ACER2: variants seen among roughly 807,000 people sequenced by gnomAD.
ACER2 encodes alkaline ceramidase 2, also known as alkCDase 2.
A neutral mutation model predicts 34.7 loss-of-function variants in ACER2; 26 were observed. The ratio of observed to expected loss-of-function variants is 0.75; its 90% confidence interval spans 0.55 to 1.04. The LOEUF is 1.04. Among genes scored for constraint, ACER2 ranks in the 50% least tolerant of loss-of-function variants. The pLI, the probability that ACER2 is intolerant of heterozygous loss-of-function variation, is 0.00. For synonymous variants in ACER2, 138 were observed against 132.1 expected, an observed-to-expected ratio of 1.04 and a Z score of -0.31; for missense variants, 352 against 340.8, an observed-to-expected ratio of 1.03 and a Z score of -0.26.
intron 1 of ACER2, among the ~76,000 whole-genome samples, chr9:19,410,778 C>G (rs751117845): frequency 6.6e-6 from 1 of 152,182 alleles, no homozygotes; most frequent in Non-Finnish European, 1.5e-5. Flanking sequence ...ATTGCATAAC[C>G]TCCCAGAGCA....
intron 3 of ACER2, 75 bp downstream of exon 3, chr9:19,424,916 AAT>A: frequency 1.3e-6 from 2 of 1,563,406 alleles, no homozygotes; most frequent in Non-Finnish European, 1.7e-6. Context: ...TATGAAGAAA[AAT>A]AGCACATGAT....
At chr9:19,436,859 G>A (rs763862054) in intron 4 of ACER2, among the ~76,000 whole-genome samples, 1 of 152,070 alleles carries the variant, frequency 6.6e-6, no homozygotes, top group Non-Finnish European at 1.5e-5. Context: ...TGTGCTAATG[G>A]CCTTCTACTT....
chr9:19,443,282 T>G (rs1437069120), intron 4 of ACER2, among the ~76,000 whole-genome samples: 1 of 152,156 alleles, frequency 6.6e-6, no homozygotes, highest in African/African-American at 2.4e-5. Context: ...TCCACCTGCT[T>G]CAGCCTCCCA....
At chr9:19,424,318 A>T (rs1223626797) in intron 2 of ACER2, 1 of 947,254 alleles carries the variant, frequency 1.1e-6, no homozygotes, top group East Asian at 1.2e-4. Flanking sequence ...TAGATGTTTG[A>T]TCCCTCATTG....
intron 4 of ACER2, among the ~76,000 whole-genome samples, chr9:19,441,570 G>A (rs1367816771): frequency 2.6e-5 from 4 of 151,984 alleles, no homozygotes; most frequent in Non-Finnish European, 5.9e-5. Context: ...CCTCTTGCTT[G>A]GCTAACTTAT....
chr9:19,425,091 G>C (rs1037101134), intron 3 of ACER2, among the ~76,000 whole-genome samples: 12 of 152,194 alleles, frequency 7.9e-5, no homozygotes, highest in Non-Finnish European at 1.6e-4. Context: ...TCTGTACCCA[G>C]TGGTTTAAGA....
At chr9:19,409,702 T>G (rs1830029382) in intron 1 of ACER2, 12 of 978,364 alleles carry the variant, frequency 1.2e-5, no homozygotes, top group Non-Finnish European at 1.2e-5. Context: ...CCCAAGAACA[T>G]GCCTATAATG....
At chr9:19,422,756 C>T (rs373035805) in intron 1 of ACER2, among the ~76,000 whole-genome samples, 20 of 151,246 alleles carry the variant, frequency 1.3e-4, no homozygotes, top group Admixed American at 4.0e-4. Flanking sequence ...AGCAGGCGGG[C>T]GCAGTGGCTC....
intron 4 of ACER2, among the ~76,000 whole-genome samples, chr9:19,441,129 A>C (rs1482059370): frequency 1.3e-5 from 2 of 149,594 alleles, no homozygotes; most frequent in Non-Finnish European, 3.0e-5. Flanking sequence ...AGCTCACTGC[A>C]ACCTCCGCCT....
chr9:19,414,845 C>CAAA lies in ACER2; in HGVS notation c.108+5668_108+5670dup, dbSNP rs34308694. 7.4e-3 allele frequency among the ~76,000 whole-genome samples: 826 copies of CAAA among 111,822 alleles called. 6 individuals are homozygous for CAAA. Among genetic ancestry groups the CAAA allele is most frequent in the East Asian group, 0.039 (136 of 3,456 alleles). The allele number at this position is 111,822 out of a possible 152,430, so 73.4% of individuals were successfully genotyped here. On this transcript the variant is annotated intron_variant, in intron 1 of 5. Coordinates refer to ENST00000340967, the MANE Select transcript of ACER2 (RefSeq NM_001010887.3). The stretch of plus-strand genomic sequence containing the variant: ...TGGCTGACAGAGCGAGACTCCGCCT[C>CAAA]AAAAAAAAAAAAAAAAATTGTAGCC...
At chr9:19,427,473 C>A (rs1830604684) in intron 3 of ACER2, among the ~76,000 whole-genome samples, 1 of 152,220 alleles carries the variant, frequency 6.6e-6, no homozygotes, top group African/African-American at 2.4e-5. Context: ...TGACACGGGA[C>A]AGGTGGCAGC....
intron 4 of ACER2, among the ~76,000 whole-genome samples, chr9:19,439,732 C>G (rs1395813015): frequency 6.6e-6 from 1 of 152,150 alleles, no homozygotes; most frequent in Non-Finnish European, 1.5e-5. Context: ...CTTTGGGAGG[C>G]CGAGGAGGGT....
intron 1 of ACER2, among the ~76,000 whole-genome samples, chr9:19,422,426 C>G (rs1402374134): frequency 6.6e-6 from 1 of 151,992 alleles, no homozygotes; most frequent in African/African-American, 2.4e-5. Flanking sequence ...AGTTGAATGC[C>G]CATGGAGACA....
intron 4 of ACER2, among the ~76,000 whole-genome samples, chr9:19,436,945 T>G (rs1056786324): frequency 2.0e-5 from 3 of 152,194 alleles, no homozygotes; most frequent in Non-Finnish European, 4.4e-5. Context: ...GCCTCCTCCC[T>G]CTCTGAATTT....
intron 1 of ACER2, among the ~76,000 whole-genome samples, chr9:19,422,434 A>T (rs1177699092): frequency 6.6e-6 from 1 of 152,242 alleles, no homozygotes; most frequent in African/African-American, 2.4e-5. Flanking sequence ...GCCCATGGAG[A>T]CATAACAGAG....
At chr9:19,416,766 C>T (rs561599386) in intron 1 of ACER2, among the ~76,000 whole-genome samples, 1 of 152,104 alleles carries the variant, frequency 6.6e-6, no homozygotes, top group African/African-American at 2.4e-5. Context: ...CTCCTGACTT[C>T]AGGTGATCCA....
At chr9:19,433,508 A>G (rs1190441839) in intron 3 of ACER2, among the ~76,000 whole-genome samples, 1 of 151,906 alleles carries the variant, frequency 6.6e-6, no homozygotes, top group African/African-American at 2.4e-5. Flanking sequence ...AGGCAGAAGA[A>G]TTTTTCTTAG....
intron 4 of ACER2, among the ~76,000 whole-genome samples, chr9:19,440,760 T>A (rs1185611553): frequency 6.6e-6 from 1 of 152,198 alleles, no homozygotes; most frequent in Non-Finnish European, 1.5e-5. Context: ...CCTCTACATA[T>A]GTGGATGACT....
intron 2 of ACER2, 29 bp from the exon 3 acceptor site, chr9:19,424,671 C>CT: frequency 6.2e-7 from 1 of 1,611,614 alleles, no homozygotes; most frequent in South Asian, 1.1e-5. Flanking sequence ...CTGTGGTGAC[C>CT]TTTTTTTATT....
Sources: allele counts gnomAD v4.1 joint callset (sites outside exome capture counted in the v4.1 genomes callset), GRCh38; gene constraint gnomAD v4.1.1; transcripts MANE v1.5; gene names NCBI Gene and HGNC (gene_info 2026-07-23, HGNC 2026-07-21).